CDC37: variants seen among roughly 807,000 people sequenced by gnomAD.
CDC37 encodes the protein cell division cycle 37, HSP90 cochaperone.
CDC37 carries 9 observed loss-of-function variants against 46.9 expected under a neutral mutation model. The ratio of observed to expected loss-of-function variants is 0.19; its 90% CI spans 0.12 to 0.33. The LOEUF (loss-of-function observed/expected upper bound fraction) is 0.33, where lower values mean the gene tolerates loss of function less well. Among genes scored for constraint, CDC37 ranks in the 10% least tolerant of loss-of-function variants. The pLI, the probability that CDC37 is intolerant of heterozygous loss-of-function variation, is 1.00. For missense variants in CDC37, 388 were observed against 514.6 expected (o/e 0.75, Z 2.38); for synonymous variants, 193 against 191.0 (o/e 1.01, Z -0.09).
intron 1 of CDC37, among the ~76,000 whole-genome samples, chr19:10,399,185 G>A (rs758717527): frequency 3.9e-5 from 6 of 152,236 alleles, no homozygotes; most frequent in East Asian, 3.9e-4. Context: ...GAAGGCCTAC[G>A]TGGTCGAGCG....
intron 1 of CDC37, among the ~76,000 whole-genome samples, chr19:10,399,465 A>G (rs1393406629): frequency 6.9e-6 from 1 of 144,128 alleles, no homozygotes. Flanking sequence ...CCCTGTCTGA[A>G]AAAAAAAAAA....
In CDC37 at chr19:10,395,089, G is replaced by A. The variant is rs1187511835; in HGVS notation, c.658C>T (p.Leu220=). Residue 220 remains leucine, a synonymous_variant, in exon 5 of 8, where the codon CTG becomes TTG. Coordinates refer to ENST00000222005, the MANE Select transcript of CDC37 (RefSeq NM_007065.4). ...AHQTIVMQFI[L]ELAKSLKVDP... is the part of the protein sequence containing the mutation. Reference sequence around the variant, plus strand: ...ACCTTTAGGCTCTTGGCCAGCTCCAGGATAAATTGCATGACGATTGTCTGG... The same window carrying A: ...ACCTTTAGGCTCTTGGCCAGCTCCAAGATAAATTGCATGACGATTGTCTGG... The A allele has an allele frequency of 1.3e-6, 2 of 1,568,372 alleles. No individual in the cohort carries two copies. The highest frequency in any genetic ancestry group is 1.2e-5 in the South Asian group (1 of 82,934).
intron 7 of CDC37, among the ~76,000 whole-genome samples, chr19:10,392,368 G>A (rs768315904): frequency 6.6e-6 from 1 of 152,104 alleles, no homozygotes; most frequent in Non-Finnish European, 1.5e-5. Flanking sequence ...GCAGAACCTG[G>A]TCTAGATGGC....
chr19:10,396,096 C>A lies in CDC37; in HGVS notation c.210G>T (p.Glu70Asp). The change falls in exon 2 of 8, where the codon GAG becomes GAT. Residue 70 changes from glutamate (E) to aspartate (D), a missense_variant. This residue lies in a region of CDC37 where 374 missense variants were observed against 467.4 expected (regional missense o/e 0.80). Transcript: ENST00000222005. This position sits in a 1 kb window ranked among gnomAD's most constrained non-coding sequence, Gnocchi z 5.9. ...KVAECQRKLKELEVAEGGKAE... is the reference protein window; with the variant it reads ...KVAECQRKLKDLEVAEGGKAE... ...CCTTGCCGCCCTCGGCCACCTCCAGCTCCTTCAGTTTCCTCTGGCACTCGG... is the reference window on the plus strand; with the variant it reads ...CCTTGCCGCCCTCGGCCACCTCCAGATCCTTCAGTTTCCTCTGGCACTCGG... 2 of 1,614,118 alleles carry A rather than the reference C, an allele frequency of 1.2e-6. 1 individual carries two copies. Among genetic ancestry groups the A allele is most frequent in the Non-Finnish European group, 1.7e-6 (2 of 1,179,988 alleles).
rs2042471530 is a variant in CDC37 at position 10,393,691 on chromosome 19, GCATGGGCACCTCTAACTCAA to G, written c.727-270_727-251del. On this transcript the variant is annotated intron_variant, in intron 5 of 7. Transcript: ENST00000222005. The surrounding 1 kb of genome is among the most constrained non-coding windows in gnomAD (Gnocchi z 4.9). ...AGACACTCATGTCCTCAGTGTCCCTGCATGGGCACCTCTAACTCAACATGGCCACCTCCCAGCCTGCCTTG... is the reference window on the plus strand; with the variant it reads ...AGACACTCATGTCCTCAGTGTCCCTGCATGGCCACCTCCCAGCCTGCCTTG... 1 of 474,900 alleles carries G rather than the reference GCATGGGCACCTCTAACTCAA, an allele frequency of 2.1e-6. No individual in the cohort carries two copies. Among genetic ancestry groups the G allele is most frequent in the African/African-American group, 2.0e-5 (1 of 50,324 alleles). The allele number at this position is 474,900 out of a possible 1,614,324, so 29.4% of individuals were successfully genotyped here. A position where few individuals can be genotyped will look rare whatever the true frequency, so the allele number is the denominator to read the frequency against.
At chr19:10,395,842 C>T in intron 2 of CDC37, 86 bp downstream of exon 2, 5 of 1,493,348 alleles carry the variant, frequency 3.3e-6, no homozygotes, top group African/African-American at 1.4e-5. Context: ...GGGTCCTCCC[C>T]TGACCAGGCA....
chr19:10,402,156 TC>T (rs1320710754), intron 1 of CDC37, among the ~76,000 whole-genome samples: 3 of 44,970 alleles, frequency 6.7e-5, no homozygotes, highest in Non-Finnish European at 1.1e-4. Flanking sequence ...AAACTTCGTC[TC>T]AAAAAAAAAA....
chr19:10,395,288 C>G lies in CDC37; in HGVS notation c.543G>C (p.Leu181=), dbSNP rs769403695. The stretch of plus-strand genomic sequence containing the variant: ...GGTAATTGGCTGTCTCCTCGCACAC[C>G]AGGTGGACGTTGTCTGACAGGTACT... ...SQKYLSDNVH[L]VCEETANYLV... is the part of the protein sequence containing the mutation. Residue 181 remains leucine (L), a synonymous_variant, in exon 4 of 8, where the codon CTG becomes CTC. Transcript: ENST00000222005. 2.0e-5 allele frequency: 32 copies of G among 1,614,042 alleles called. No individual in the cohort carries two copies. Among genetic ancestry groups the G allele is most frequent in the Non-Finnish European group, 2.7e-5 (32 of 1,180,050 alleles).
intron 7 of CDC37, among the ~76,000 whole-genome samples, chr19:10,392,240 A>C (rs1292366121): frequency 6.6e-6 from 1 of 152,188 alleles, no homozygotes; most frequent in Non-Finnish European, 1.5e-5. Flanking sequence ...TCACGACTCA[A>C]CTCTGCTGTG....
intron 1 of CDC37, among the ~76,000 whole-genome samples, chr19:10,401,971 A>G (rs528401766): frequency 1.3e-5 from 2 of 152,104 alleles, no homozygotes; most frequent in East Asian, 1.9e-4. Flanking sequence ...CCTGACCAAC[A>G]TGGAGAAACC....
In CDC37 at chr19:10,396,803, C is replaced by A. The variant is rs1049758370; in HGVS notation, c.103-600G>T. Among the ~76,000 whole-genome samples, 1 of 152,160 alleles carries A rather than the reference C, an allele frequency of 6.6e-6. No homozygotes were observed. The highest frequency in any genetic ancestry group is 1.5e-5 in the Non-Finnish European group (1 of 68,034). On this transcript the variant is annotated intron_variant, in intron 1 of 7. Transcript: ENST00000222005. The surrounding 1 kb of genome is among the most constrained non-coding windows in gnomAD (Gnocchi z 5.9). ...CAGGCTGGTCTTGAAGTCCTGGGTTCAAGCGATCCTTCCCTCTCGGCCTCC... is the reference window on the plus strand; with the variant it reads ...CAGGCTGGTCTTGAAGTCCTGGGTTAAAGCGATCCTTCCCTCTCGGCCTCC...
rs1599379784 is a variant in CDC37, at chr19:10,393,605, G to A, written c.727-164C>T. 5.9e-6 allele frequency: 4 copies of A among 675,864 alleles called. No individual in the cohort carries two copies. The East Asian group carries it at 8.7e-5, about 15-fold the overall frequency. 41.9% of individuals were successfully genotyped at this position (675,864 alleles called of 1,614,324 possible). A position where few individuals can be genotyped will look rare whatever the true frequency, so the allele number is the denominator to read the frequency against. On this transcript the variant is annotated intron_variant, in intron 5 of 7. Transcript: ENST00000222005. This position sits in a 1 kb window ranked among gnomAD's most constrained non-coding sequence, Gnocchi z 4.9. Reference sequence around the variant, plus strand: ...CCAAGGCCTGGGCTCCCCCGCCGGGGACCTCATCTGGCATTTGCCAAAGAC... The same window carrying A: ...CCAAGGCCTGGGCTCCCCCGCCGGGAACCTCATCTGGCATTTGCCAAAGAC...
chr19:10,397,460 G>C (rs941727546), intron 1 of CDC37, among the ~76,000 whole-genome samples: 4 of 148,100 alleles, frequency 2.7e-5, no homozygotes, highest in African/African-American at 1.0e-4. Flanking sequence ...GCCCAGGCTG[G>C]AGTGCAGTGG....
Position 10,393,361 on chromosome 19 carries a change from C to T in CDC37, c.807G>A (p.Leu269=), listed in dbSNP as rs542282895. 1.9e-6 allele frequency: 3 copies of T among 1,614,114 alleles called. No homozygotes were observed. Among genetic ancestry groups the T allele is most frequent in the Admixed American group, 1.7e-5 (1 of 60,012 alleles). The change falls in exon 6 of 8, where the codon CTG becomes CTA. Residue 269 remains leucine, a synonymous_variant. Coordinates refer to ENST00000222005, the MANE Select transcript of CDC37 (RefSeq NM_007065.4). The surrounding 1 kb of genome is among the most constrained non-coding windows in gnomAD (Gnocchi z 4.9). ...FKERVRGRAK[L]RIEKAMKEYE... is the part of the protein sequence containing the mutation. The stretch of plus-strand genomic sequence containing the variant: ...ACTCCTTCATGGCCTTCTCGATGCG[C>T]AGCTTGGCACGGCCCCGCACACGCT...
chr19:10,392,964 C>T (rs1464149528), intron 7 of CDC37, 122 bp downstream of exon 7: 14 of 824,142 alleles, frequency 1.7e-5, no homozygotes, highest in Non-Finnish European at 2.7e-5. Context: ...GACACGACCC[C>T]CCTTACTCCT....
At chr19:10,399,740 G>A in intron 1 of CDC37, among the ~76,000 whole-genome samples, 1 of 151,414 alleles carries the variant, frequency 6.6e-6, no homozygotes, top group East Asian at 1.9e-4. Flanking sequence ...GACCAGCCTG[G>A]CCAACATGGT....
rs757927846 is a variant in CDC37 at position 10,391,210 on chromosome 19, A to C, written c.*341T>G. 3 of 350,996 alleles carry C rather than the reference A, an allele frequency of 8.5e-6. No homozygotes were observed. Among genetic ancestry groups the C allele is most frequent in the Middle Eastern group, 7.2e-4 (2 of 2,766 alleles). The allele number at this position is 350,996 out of a possible 1,614,324, so 21.7% of individuals were successfully genotyped here. ...CACAGACAGCAGACGAACAGTGAAA[A>C]CAGAGCCCAGTGACGAGAGCCGGCC... On this transcript the variant is annotated 3_prime_UTR_variant, in exon 8 of 8. Coordinates refer to ENST00000222005, the MANE Select transcript of CDC37 (RefSeq NM_007065.4).
At chr19:10,395,847 C>A in intron 2 of CDC37, 81 bp downstream of exon 2, 18 of 1,508,582 alleles carry the variant, frequency 1.2e-5, no homozygotes, top group Non-Finnish European at 1.5e-5. Context: ...CTCCCCTGAC[C>A]AGGCATTGGG....
At chr19:10,394,986 G>T (rs373797879) in intron 5 of CDC37, 35 bp downstream of exon 5, 2 of 1,508,734 alleles carry the variant, frequency 1.3e-6, no homozygotes, top group Non-Finnish European at 1.8e-6. Context: ...CCTGGGGAGG[G>T]GGCCTCCAGC....
Sources: allele counts gnomAD v4.1 joint callset (sites outside exome capture counted in the v4.1 genomes callset), GRCh38; gene constraint gnomAD v4.1.1; regional missense constraint gnomAD v4.1.1; non-coding constraint Gnocchi (gnomAD v3.1); transcripts MANE v1.5; gene names NCBI Gene and HGNC (gene_info 2026-07-23, HGNC 2026-07-21).